SH3GL3: variants seen among roughly 807,000 people sequenced by gnomAD.
SH3GL3 encodes the protein endophilin-A3.
In SH3GL3, 33 loss-of-function variants were observed where a neutral mutation model predicts 47.7. The ratio of observed to expected loss-of-function variants is 0.69; its 90% CI spans 0.52 to 0.92. The LOEUF is 0.92. Among genes scored for constraint, SH3GL3 ranks in the 40% least tolerant of loss-of-function variants. The pLI is 0.00. For synonymous variants in SH3GL3, 155 were observed against 148.8 expected (o/e 1.04, Z -0.30); for missense variants, 363 against 417.8 (o/e 0.87, Z 1.14).
chr15:83,587,287 G>A (rs1422171617), intron 7 of SH3GL3, among the ~76,000 whole-genome samples: 4 of 152,104 alleles, frequency 2.6e-5, no homozygotes, highest in Admixed American at 6.5e-5. Context: ...GATAGAACTG[G>A]GAAAAGGGAC....
intron 1 of SH3GL3, among the ~76,000 whole-genome samples, chr15:83,460,625 A>G (rs1249277710): frequency 1.3e-5 from 2 of 152,116 alleles, no homozygotes; most frequent in African/African-American, 4.8e-5. Flanking sequence ...TAGCTTTTTG[A>G]TTATTTAGAA....
chr15:83,593,077 C>A (rs1003660332), intron 8 of SH3GL3, among the ~76,000 whole-genome samples: 1 of 152,298 alleles, frequency 6.6e-6, no homozygotes, highest in East Asian at 1.9e-4. Context: ...TATTCTTGTA[C>A]AATTGTTGTC....
intron 1 of SH3GL3, among the ~76,000 whole-genome samples, chr15:83,462,294 C>A (rs2040339445): frequency 6.6e-6 from 1 of 152,196 alleles, no homozygotes; most frequent in African/African-American, 2.4e-5. Context: ...GAGATTCTTA[C>A]CCCTTGTAAT....
chr15:83,594,098 C>T (rs1357644257), intron 8 of SH3GL3, among the ~76,000 whole-genome samples: 1 of 152,200 alleles, frequency 6.6e-6, no homozygotes, highest in African/African-American at 2.4e-5. Flanking sequence ...GGATTACAGG[C>T]ATGAGCCACT....
chr15:83,493,803 G>A (rs1317607184), intron 1 of SH3GL3, among the ~76,000 whole-genome samples: 3 of 152,214 alleles, frequency 2.0e-5, no homozygotes, highest in African/African-American at 7.2e-5. Context: ...CAGAGGTCAG[G>A]CCAGGTTGTG....
intron 1 of SH3GL3, among the ~76,000 whole-genome samples, chr15:83,475,020 G>C (rs970991899): frequency 3.3e-5 from 5 of 151,634 alleles, no homozygotes; most frequent in African/African-American, 1.2e-4. Context: ...GCAAGAATAG[G>C]TATTCTCTCG....
At chr15:83,551,403 A>T (rs1389727619) in intron 1 of SH3GL3, among the ~76,000 whole-genome samples, 1 of 152,172 alleles carries the variant, frequency 6.6e-6, no homozygotes, top group Non-Finnish European at 1.5e-5. Context: ...GATATTTGTG[A>T]TGGGGAAGCT....
At chr15:83,504,009 A>G (rs886928472) in intron 1 of SH3GL3, among the ~76,000 whole-genome samples, 1 of 152,186 alleles carries the variant, frequency 6.6e-6, no homozygotes, top group Non-Finnish European at 1.5e-5. Context: ...TTTATGAATC[A>G]CTGTTTATTT....
intron 1 of SH3GL3, among the ~76,000 whole-genome samples, chr15:83,545,549 G>GT (rs1460226887): frequency 7.9e-5 from 12 of 152,128 alleles, no homozygotes; most frequent in Non-Finnish European, 1.6e-4. Flanking sequence ...GTGAGGTCTT[G>GT]TTTTTTCTGG....
At chr15:83,571,942 T>C (rs1417523616) in intron 4 of SH3GL3, among the ~76,000 whole-genome samples, 1 of 152,128 alleles carries the variant, frequency 6.6e-6, no homozygotes, top group East Asian at 1.9e-4. Flanking sequence ...AAAAACTACC[T>C]GCCACTACCC....
intron 3 of SH3GL3, 75 bp from the exon 4 acceptor site, chr15:83,568,454 T>C: frequency 7.9e-7 from 1 of 1,268,568 alleles, no homozygotes; most frequent in South Asian, 1.3e-5. Context: ...TTTTGGCAGC[T>C]GCGTTTATTA....
At chr15:83,564,890 TA>T (rs1439352737) in intron 2 of SH3GL3, among the ~76,000 whole-genome samples, 3 of 152,188 alleles carry the variant, frequency 2.0e-5, no homozygotes, top group African/African-American at 7.2e-5. Flanking sequence ...ATTACCTTAA[TA>T]TTCATTTTAA....
At chr15:83,563,341 A>G (rs1240254985) in intron 2 of SH3GL3, among the ~76,000 whole-genome samples, 1 of 152,166 alleles carries the variant, frequency 6.6e-6, no homozygotes, top group East Asian at 1.9e-4. Flanking sequence ...ATGGCCTAAC[A>G]AACATGTTTT....
intron 1 of SH3GL3, among the ~76,000 whole-genome samples, chr15:83,548,944 C>G (rs2044533897): frequency 6.6e-6 from 1 of 151,936 alleles, no homozygotes; most frequent in Admixed American, 6.6e-5. Context: ...TTATAGTGCT[C>G]TTTTTTGTGT....
At chr15:83,504,451 G>A (rs769004676) in intron 1 of SH3GL3, among the ~76,000 whole-genome samples, 25 of 152,210 alleles carry the variant, frequency 1.6e-4, no homozygotes, top group Non-Finnish European at 3.2e-4. Context: ...CAGAAACAGT[G>A]CGATGTTGTA....
At chr15:83,509,030 G>T (rs555578658) in intron 1 of SH3GL3, among the ~76,000 whole-genome samples, 1 of 152,358 alleles carries the variant, frequency 6.6e-6, no homozygotes, top group South Asian at 2.1e-4. Flanking sequence ...AATTGGTAAG[G>T]CTTATGGAAT....
At chr15:83,517,245 C>T (rs1391469405) in intron 1 of SH3GL3, among the ~76,000 whole-genome samples, 2 of 148,582 alleles carry the variant, frequency 1.3e-5, no homozygotes, top group East Asian at 3.9e-4. Flanking sequence ...GGCTCTGTCG[C>T]CCAGTCTGGA....
intron 1 of SH3GL3, among the ~76,000 whole-genome samples, chr15:83,485,432 C>T (rs1242783926): frequency 6.6e-6 from 1 of 152,042 alleles, no homozygotes; most frequent in Non-Finnish European, 1.5e-5. Context: ...AGTATTTCTC[C>T]TCTTTTTCCA....
intron 1 of SH3GL3, among the ~76,000 whole-genome samples, chr15:83,465,367 ATTC>A (rs1401821594): frequency 6.6e-6 from 1 of 151,746 alleles, no homozygotes; most frequent in East Asian, 1.9e-4. Flanking sequence ...AGACCATGTC[ATTC>A]TTCTGCTTGC....
Sources: allele counts gnomAD v4.1 joint callset (sites outside exome capture counted in the v4.1 genomes callset), GRCh38; gene constraint gnomAD v4.1.1; transcripts MANE v1.5; gene names NCBI Gene and HGNC (gene_info 2026-07-23, HGNC 2026-07-21).